The following RPGRIP1 variants were observed in gnomAD, a reference collection of about 807,000 sequenced individuals.
RPGRIP1 encodes the protein X-linked retinitis pigmentosa GTPase regulator-interacting protein 1.
A neutral mutation model predicts 157.9 loss-of-function variants in RPGRIP1; 128 were observed. That is an observed-to-expected ratio of 0.81 (90% CI 0.70 to 0.94). The LOEUF (loss-of-function observed/expected upper bound fraction) is 0.94, where lower values mean the gene tolerates loss of function less well. Among genes scored for constraint, RPGRIP1 ranks in the 40% least tolerant of loss-of-function variants. The probability of loss-of-function intolerance (pLI) is 0.00; values close to 1 mark genes in which losing one functional copy is unlikely to be tolerated. For missense variants in RPGRIP1, 1,486 were observed against 1,545.8 expected, an observed-to-expected ratio of 0.96 and a Z score of 0.65; for synonymous variants, 554 against 571.6, an observed-to-expected ratio of 0.97 and a Z score of 0.44.
intron 1 of RPGRIP1, among the ~76,000 whole-genome samples, chr14:21,282,030 G>A (rs976544045): frequency 4.6e-5 from 7 of 152,142 alleles, no homozygotes; most frequent in African/African-American, 2.4e-5. Flanking sequence ...GGGAAGCGGA[G>A]GTTGCAGTAA....
At position 21,287,961 on chromosome 14, in the gene RPGRIP1, C is replaced by T. The variant is rs1290389911; in HGVS notation, c.-16C>T. On this transcript the variant is annotated 5_prime_UTR_variant, in exon 2 of 25. Coordinates refer to ENST00000400017, the MANE Select transcript of RPGRIP1 (RefSeq NM_020366.4). Reference sequence around the variant, plus strand: ...CAGTGTCCTCTGGGATCTCTTACAGCTTGGGAACAGAGATCATGTCACATC... The same window carrying T: ...CAGTGTCCTCTGGGATCTCTTACAGTTTGGGAACAGAGATCATGTCACATC... The T allele has an allele frequency of 6.3e-7, 1 of 1,592,912 alleles. No homozygotes were observed. The highest frequency in any genetic ancestry group is 1.1e-5 in the South Asian group (1 of 89,906).
intron 21 of RPGRIP1, among the ~76,000 whole-genome samples, chr14:21,335,599 G>A (rs1884269016): frequency 6.6e-6 from 1 of 152,166 alleles, no homozygotes; most frequent in South Asian, 2.1e-4. Flanking sequence ...GGGAGGCCGA[G>A]ACGGGTGGAT....
At chr14:21,290,743 C>T (rs950874506) in intron 2 of RPGRIP1, among the ~76,000 whole-genome samples, 1 of 151,080 alleles carries the variant, frequency 6.6e-6, no homozygotes, top group Non-Finnish European at 1.5e-5. Flanking sequence ...GGCGTGAACC[C>T]GGGAGGCGGT....
chr14:21,314,163 G>A (rs1370795179), intron 10 of RPGRIP1, among the ~76,000 whole-genome samples: 2 of 151,828 alleles, frequency 1.3e-5, no homozygotes, highest in Non-Finnish European at 2.9e-5. Context: ...GCCCAGGCTG[G>A]TCTTGAACTC....
At chr14:21,335,646 C>T (rs945131894) in intron 21 of RPGRIP1, among the ~76,000 whole-genome samples, 3 of 152,042 alleles carry the variant, frequency 2.0e-5, no homozygotes, top group East Asian at 1.9e-4. Context: ...CTGGCTAACA[C>T]GGTGAAACCC....
At chr14:21,338,845 G>A (rs1377596510) in intron 21 of RPGRIP1, among the ~76,000 whole-genome samples, 1 of 152,190 alleles carries the variant, frequency 6.6e-6, no homozygotes, top group Non-Finnish European at 1.5e-5. Flanking sequence ...TTATTAGCAA[G>A]TTTAAAAAAT....
intron 19 of RPGRIP1, 72 bp downstream of exon 19, chr14:21,328,699 A>G: frequency 1.0e-6 from 1 of 969,806 alleles, no homozygotes. Flanking sequence ...TCTCAGAGGT[A>G]GAAGCAGAAG....
chr14:21,321,676 C>T (rs1566684083), intron 13 of RPGRIP1, among the ~76,000 whole-genome samples, 178 bp from the exon 14 acceptor site: 1 of 152,160 alleles, frequency 6.6e-6, no homozygotes, highest in Non-Finnish European at 1.5e-5. Context: ...AACCACCCTA[C>T]CTCAATGATA....
intron 21 of RPGRIP1, among the ~76,000 whole-genome samples, chr14:21,340,196 C>T (rs887688576): frequency 1.3e-4 from 20 of 152,182 alleles, no homozygotes; most frequent in African/African-American, 3.9e-4. Context: ...TAAAGTTTCT[C>T]TTGCACACAT....
chr14:21,315,598 G>T (rs1159584321), intron 10 of RPGRIP1, among the ~76,000 whole-genome samples: 2 of 151,814 alleles, frequency 1.3e-5, no homozygotes, highest in African/African-American at 4.8e-5. Context: ...GAGCATCTGG[G>T]AACAACTGAT....
At chr14:21,348,643 T>C (rs957138067) in intron 24 of RPGRIP1, among the ~76,000 whole-genome samples, 5 of 151,736 alleles carry the variant, frequency 3.3e-5, no homozygotes, top group Non-Finnish European at 7.4e-5. Flanking sequence ...GCCCATTCTT[T>C]ATGTTATCAT....
intron 23 of RPGRIP1, among the ~76,000 whole-genome samples, chr14:21,347,791 T>C (rs1337159860): frequency 6.6e-6 from 1 of 152,144 alleles, no homozygotes; most frequent in Non-Finnish European, 1.5e-5. Context: ...TGCAGTGGCA[T>C]GAACACAGCC....
At chr14:21,320,225 G>A in intron 12 of RPGRIP1, 48 bp downstream of exon 12, 1 of 1,491,360 alleles carries the variant, frequency 6.7e-7, no homozygotes, top group Non-Finnish European at 9.2e-7. Context: ...AGAGATCTCT[G>A]GCAAATATCT....
intron 1 of RPGRIP1, among the ~76,000 whole-genome samples, chr14:21,286,599 A>G (rs1880309189): frequency 1.3e-5 from 2 of 151,624 alleles, no homozygotes; most frequent in African/African-American, 4.8e-5. Flanking sequence ...GTTCAAGACC[A>G]GCCTGAGCAA....
intron 14 of RPGRIP1, 74 bp from the exon 15 acceptor site, chr14:21,324,544 T>G: frequency 8.0e-7 from 1 of 1,242,516 alleles, no homozygotes; most frequent in Non-Finnish European, 1.2e-6. Context: ...TTATATTTCT[T>G]TTGTCCACCC....
intron 10 of RPGRIP1, chr14:21,317,474 A>C: frequency 8.8e-7 from 1 of 1,134,466 alleles, no homozygotes; most frequent in Non-Finnish European, 1.2e-6. Flanking sequence ...GCTCAGTCAG[A>C]TATCTGAGAC....
chr14:21,330,279 G>A lies in RPGRIP1; in HGVS notation c.3130G>A (p.Glu1044Lys). 1 of 1,576,264 alleles carries A rather than the reference G, an allele frequency of 6.3e-7. No individual in the cohort carries two copies. Among genetic ancestry groups the A allele is most frequent in the Non-Finnish European group, 8.6e-7 (1 of 1,164,670 alleles). ...GAATTACACTGAGTGGAAGTTCTCAGAGACTAACAGCTTCATAGGTGATGG... is the reference window on the plus strand; with the variant it reads ...GAATTACACTGAGTGGAAGTTCTCAAAGACTAACAGCTTCATAGGTGATGG... ...QVNYTEWKFSETNSFIGDGFK... is the reference protein window; with the variant it reads ...QVNYTEWKFSKTNSFIGDGFK... The change falls in exon 20 of 25, where the codon GAG (glutamate) becomes AAG (lysine). Residue 1044 changes from glutamate to lysine, a missense_variant. Transcript: ENST00000400017.
At chr14:21,332,577 G>A (rs1230234425) in intron 20 of RPGRIP1, among the ~76,000 whole-genome samples, 1 of 152,146 alleles carries the variant, frequency 6.6e-6, no homozygotes, top group Non-Finnish European at 1.5e-5. Flanking sequence ...TGAATGCGGG[G>A]TTCCAGTTAT....
At chr14:21,320,246 T>C in intron 12 of RPGRIP1, 69 bp downstream of exon 12, 2 of 1,370,972 alleles carry the variant, frequency 1.5e-6, no homozygotes, top group South Asian at 2.6e-5. Flanking sequence ...CTAGGGAAGA[T>C]GATGAGATTA....
Sources: allele counts gnomAD v4.1 joint callset (sites outside exome capture counted in the v4.1 genomes callset), GRCh38; gene constraint gnomAD v4.1.1; transcripts MANE v1.5; gene names NCBI Gene and HGNC (gene_info 2026-07-23, HGNC 2026-07-21).